NCKAP5: variants seen among roughly 807,000 people sequenced by gnomAD.
NCKAP5 encodes the protein nck-associated protein 5.
A neutral mutation model predicts 167.0 loss-of-function variants in NCKAP5; 92 were observed. The ratio of observed to expected loss-of-function variants is 0.55; its 90% CI spans 0.47 to 0.66. The LOEUF (loss-of-function observed/expected upper bound fraction) is 0.66. Among genes scored for constraint, NCKAP5 ranks in the 30% least tolerant of loss-of-function variants. The pLI, the probability that NCKAP5 is intolerant of heterozygous loss-of-function variation, is 0.00. For missense variants in NCKAP5, 2,378 were observed against 2,315.0 expected (o/e 1.03, Z -0.56); for synonymous variants, 891 against 877.4 (o/e 1.02, Z -0.27).
intron 19 of NCKAP5, among the ~76,000 whole-genome samples, chr2:132,721,195 C>G (rs1400044847): frequency 6.6e-6 from 1 of 152,006 alleles, no homozygotes; most frequent in Non-Finnish European, 1.5e-5. Context: ...GTAATCCCAG[C>G]TACTCGGGAG....
chr2:132,707,822 G>A (rs151037961), intron 19 of NCKAP5, among the ~76,000 whole-genome samples: 1 of 152,182 alleles, frequency 6.6e-6, no homozygotes. Context: ...AGAGGGAAGA[G>A]TAAAGAAGAC....
the NCKAP5 span, among the ~76,000 whole-genome samples, chr2:133,608,847 T>C: frequency 2.0e-5 from 3 of 152,212 alleles, no homozygotes; most frequent in Admixed American, 6.5e-5. Context: ...GACCAAACTC[T>C]ACATGGCACT....
At chr2:133,001,951 A>T (rs939989534) in intron 6 of NCKAP5, among the ~76,000 whole-genome samples, 14 of 152,210 alleles carry the variant, frequency 9.2e-5, no homozygotes, top group Non-Finnish European at 2.1e-4. Flanking sequence ...TAGGCGTCGT[A>T]TTAGGTATTA....
At chr2:133,153,687 G>C (rs1373757642) in intron 5 of NCKAP5, among the ~76,000 whole-genome samples, 1 of 151,858 alleles carries the variant, frequency 6.6e-6, no homozygotes, top group East Asian at 1.9e-4. Flanking sequence ...TGTGTCCACT[G>C]TGCTTCTGGC....
chr2:133,578,332 G>A, the NCKAP5 span, among the ~76,000 whole-genome samples: 2 of 152,152 alleles, frequency 1.3e-5, no homozygotes, highest in African/African-American at 2.4e-5. Flanking sequence ...TTGGCAAATT[G>A]TGCAGTCTTT....
intron 16 of NCKAP5, among the ~76,000 whole-genome samples, chr2:132,765,917 G>T (rs771272129): frequency 6.6e-6 from 1 of 151,988 alleles, no homozygotes; most frequent in East Asian, 1.9e-4. Flanking sequence ...CCCACTTTTT[G>T]GAAAGTGGAC....
chr2:132,963,675 A>G (rs2076582529), intron 8 of NCKAP5, 45 bp downstream of exon 8: 1 of 1,583,038 alleles, frequency 6.3e-7, no homozygotes, highest in Admixed American at 1.7e-5. Context: ...GAAGCAGAAT[A>G]CTGTTATTTT....
chr2:133,202,698 A>AG (rs1347329829), intron 5 of NCKAP5, among the ~76,000 whole-genome samples: 1 of 152,148 alleles, frequency 6.6e-6, no homozygotes, highest in Non-Finnish European at 1.5e-5. Flanking sequence ...CAAGAAAAAA[A>AG]ATCAAACAAC....
chr2:132,692,105 C>CTTAAT, intron 19 of NCKAP5, among the ~76,000 whole-genome samples: 1 of 124,860 alleles, frequency 8.0e-6, no homozygotes, highest in Non-Finnish European at 1.8e-5. Context: ...ATGAAGCCTG[C>CTTAAT]TTGATTTTAT....
intron 6 of NCKAP5, among the ~76,000 whole-genome samples, chr2:133,087,128 G>T (rs2081019384): frequency 6.6e-6 from 1 of 152,074 alleles, no homozygotes; most frequent in South Asian, 2.1e-4. Flanking sequence ...ATCTGATTTG[G>T]TTTTCCTTCT....
rs149815293 is a variant in NCKAP5, at chr2:132,893,691, G to C, written c.580-14775C>G. 9.5e-3 allele frequency among the ~76,000 whole-genome samples: 1,445 copies of C among 152,224 alleles called. 16 individuals carry two copies. Among genetic ancestry groups the C allele is most frequent in the African/African-American group, 0.026 (1,077 of 41,542 alleles). Reference sequence around the variant, plus strand: ...AAGCAAATTATTATTACAGAAGTCAGATTCATCATTACCACTAGTGGGGAG... The same window carrying C: ...AAGCAAATTATTATTACAGAAGTCACATTCATCATTACCACTAGTGGGGAG... On this transcript the variant is annotated intron_variant, in intron 8 of 19. Transcript: ENST00000409261.
At chr2:133,232,369 A>G (rs1307171313) in intron 4 of NCKAP5, among the ~76,000 whole-genome samples, 2 of 152,204 alleles carry the variant, frequency 1.3e-5, no homozygotes, top group East Asian at 3.8e-4. Flanking sequence ...TCGGAATTCC[A>G]TTTAAAAAAT....
At chr2:133,336,884 G>A (rs570870882) in intron 3 of NCKAP5, among the ~76,000 whole-genome samples, 8 of 152,272 alleles carry the variant, frequency 5.3e-5, no homozygotes, top group South Asian at 2.1e-4. Flanking sequence ...TATCCCTACC[G>A]GGTCTCACTG....
In NCKAP5 at chr2:133,495,011, C is replaced by T. The variant is rs77150742; in HGVS notation, c.69+22447G>A. Among the ~76,000 whole-genome samples, 276 of 152,244 alleles carry T rather than the reference C, an allele frequency of 1.8e-3. 7 individuals carry two copies. The East Asian group carries it at 0.048, about 26-fold the overall frequency. ...ACAACAAAACCTTGGTCTCCACAACCCCTTATCTTAACCCAGAAATTCCTT... is the reference window on the plus strand; with the variant it reads ...ACAACAAAACCTTGGTCTCCACAACTCCTTATCTTAACCCAGAAATTCCTT... On this transcript the variant is annotated intron_variant, in intron 3 of 19. Transcript: ENST00000409261.
chr2:132,936,521 C>T (rs1004675972), intron 8 of NCKAP5, among the ~76,000 whole-genome samples: 9 of 152,182 alleles, frequency 5.9e-5, no homozygotes, highest in South Asian at 2.1e-4. Context: ...GTGGGTTACA[C>T]GTTTATTTTT....
At chr2:133,625,423 C>A in the NCKAP5 span, among the ~76,000 whole-genome samples, 7 of 151,878 alleles carry the variant, frequency 4.6e-5, no homozygotes, top group Admixed American at 1.3e-4. Flanking sequence ...CCAAAAGGAA[C>A]CAGGACTCCT....
chr2:133,395,049 T>G (rs1450810499), intron 3 of NCKAP5, among the ~76,000 whole-genome samples: 1 of 152,226 alleles, frequency 6.6e-6, no homozygotes, highest in Admixed American at 6.5e-5. Context: ...TATCATCATT[T>G]ATGAGACACC....
chr2:132,762,600 C>A (rs1681101223), intron 16 of NCKAP5, among the ~76,000 whole-genome samples: 1 of 152,184 alleles, frequency 6.6e-6, no homozygotes, highest in African/African-American at 2.4e-5. Context: ...CTTCAGGTAC[C>A]TGGGTTAATT....
intron 5 of NCKAP5, among the ~76,000 whole-genome samples, chr2:133,165,469 T>C (rs1399028998): frequency 6.6e-6 from 1 of 152,188 alleles, no homozygotes; most frequent in Non-Finnish European, 1.5e-5. Context: ...GGCTAAATTG[T>C]GGTACATCCA....
Sources: allele counts gnomAD v4.1 joint callset (sites outside exome capture counted in the v4.1 genomes callset), GRCh38; gene constraint gnomAD v4.1.1; transcripts MANE v1.5; gene names NCBI Gene and HGNC (gene_info 2026-07-23, HGNC 2026-07-21).